The following ZMYM2 variants were observed in gnomAD, a reference collection of about 807,000 sequenced individuals.
ZMYM2 encodes the protein zinc finger MYM-type containing 2, also known as zinc finger MYM-type protein 2.
ZMYM2 carries 56 observed loss-of-function variants against 162.8 expected under a neutral mutation model. The observed-to-expected ratio is 0.34, with a 90% CI of 0.28 to 0.43. The LOEUF is 0.43. ZMYM2 is among the 20% of genes least tolerant of loss of function. The pLI is 1.00. For synonymous variants in ZMYM2, 510 were observed against 541.6 expected, an observed-to-expected ratio of 0.94 and a Z score of 0.81; for missense variants, 1,275 against 1,621.8, an observed-to-expected ratio of 0.79 and a Z score of 3.67.
the ZMYM2 span, among the ~76,000 whole-genome samples, chr13:19,936,309 C>T: frequency 6.6e-6 from 1 of 152,154 alleles, no homozygotes; most frequent in Non-Finnish European, 1.5e-5. Context: ...GGCTTTGCTA[C>T]ATAAACTATT....
rs972314602 is a variant in ZMYM2, at chr13:20,052,383, T to C, written c.2493+72T>C. 5.7e-6 allele frequency: 8 copies of C among 1,410,626 alleles called. No homozygotes were observed. In the African/African-American group the frequency reaches 1.2e-4, roughly 21 times the overall value. The allele number at this position is 1,410,626 out of a possible 1,614,324, so 87.4% of individuals were successfully genotyped here. On this transcript the variant is annotated intron_variant, in intron 14 of 24. Transcript: ENST00000610343. ...GGGGTAAAAAATAATTAGGCCAATT[T>C]AATGTGATCATAATAGTAATTTTTT...
chr13:20,085,748 TA>T (rs1395917717), intron 24 of ZMYM2, 73 bp from the exon 25 acceptor site: 1 of 1,419,880 alleles, frequency 7.0e-7, no homozygotes. Flanking sequence ...GGGTCTGAAT[TA>T]TTCTTGAAAA....
intron 6 of ZMYM2, among the ~76,000 whole-genome samples, chr13:20,010,635 C>CTGTTTGTT (rs150287324): frequency 7.5e-4 from 113 of 150,826 alleles, no homozygotes; most frequent in African/African-American, 2.4e-3. Context: ...TTTTGTTTGT[C>CTGTTTGTT]TGTTTGTTTG....
chr13:19,873,437 C>A, the ZMYM2 span, among the ~76,000 whole-genome samples: 1 of 143,860 alleles, frequency 7.0e-6, no homozygotes, highest in Non-Finnish European at 1.5e-5. Flanking sequence ...GAGGCAGAGT[C>A]TTGCTCTGTC....
At position 20,051,360 on chromosome 13, in the gene ZMYM2, A is replaced by G. The variant is rs567261766; in HGVS notation, c.2293-73A>G. On this transcript the variant is annotated intron_variant, in intron 12 of 24. Transcript: ENST00000610343. The stretch of plus-strand genomic sequence containing the variant: ...AGTCACGGTTTTATCACATTTGGCA[A>G]TAATCACTGATAAACTTCTGGAAAT... The G allele has an allele frequency of 2.0e-4, 302 of 1,525,158 alleles. 5 individuals carry two copies. The South Asian group carries it at 3.3e-3, about 16-fold the overall frequency. The allele number at this position is 1,525,158 out of a possible 1,614,324, so 94.5% of individuals were successfully genotyped here.
chr13:20,083,641 C>T lies in ZMYM2; in HGVS notation c.3821-15C>T, dbSNP rs1470446220. 2.0e-6 allele frequency: 3 copies of T among 1,483,504 alleles called. No homozygotes were observed. Among genetic ancestry groups the T allele is most frequent in the Admixed American group, 4.1e-5 (2 of 48,718 alleles). 91.9% of individuals were successfully genotyped at this position (1,483,504 alleles called of 1,614,324 possible). ...AGATTAGTTTAGGAGGTTTATTTCA[C>T]TTTTATTTTTTAAGATAAAATTACT... On this transcript the variant is annotated splice_polypyrimidine_tract_variant and intron_variant, in intron 23 of 24. Transcript: ENST00000610343.
chr13:19,922,060 C>G, the ZMYM2 span, among the ~76,000 whole-genome samples: 1 of 152,004 alleles, frequency 6.6e-6, no homozygotes, highest in African/African-American at 2.4e-5. Flanking sequence ...ATCACAGGCA[C>G]GCACCACCAC....
At chr13:19,873,310 C>T in the ZMYM2 span, among the ~76,000 whole-genome samples, 2 of 152,234 alleles carry the variant, frequency 1.3e-5, no homozygotes, top group East Asian at 1.9e-4. Flanking sequence ...AATGGCCCCT[C>T]GGCCTTTCCC....
At chr13:19,870,599 T>TTCCTTCCTTCCTTCCTTCCTTC in the ZMYM2 span, among the ~76,000 whole-genome samples, 1 of 131,614 alleles carries the variant, frequency 7.6e-6, no homozygotes, top group African/African-American at 3.1e-5. Flanking sequence ...TTCCTTCCTT[T>TTCCTTCCTTCCTTCCTTCCTTC]CTTTCTTTCT....
intron 2 of ZMYM2, among the ~76,000 whole-genome samples, chr13:19,983,002 C>G (rs560945263): frequency 6.6e-6 from 1 of 152,286 alleles, no homozygotes; most frequent in East Asian, 1.9e-4. Flanking sequence ...GTTCAGTTGA[C>G]TGATTTCTAC....
intron 6 of ZMYM2, among the ~76,000 whole-genome samples, chr13:20,013,495 T>C (rs1371055731): frequency 1.3e-5 from 2 of 152,256 alleles, no homozygotes; most frequent in Non-Finnish European, 1.5e-5. Context: ...GTGGTGAAAG[T>C]GGGCGTCCTT....
the ZMYM2 span, among the ~76,000 whole-genome samples, chr13:19,873,686 C>T: frequency 1.1e-3 from 167 of 152,252 alleles, no homozygotes; most frequent in Non-Finnish European, 1.8e-3. Context: ...GGATTACAGG[C>T]GTGAGCCACC....
chr13:19,972,767 T>C (rs904826384), intron 2 of ZMYM2, among the ~76,000 whole-genome samples: 7 of 152,054 alleles, frequency 4.6e-5, no homozygotes, highest in Non-Finnish European at 1.0e-4. Context: ...CCCTCCGTTA[T>C]TCTTCTATAC....
chr13:20,006,609 T>C lies in ZMYM2; in HGVS notation c.1512+23T>C, dbSNP rs770128672. 3.7e-6 allele frequency: 6 copies of C among 1,608,846 alleles called. 1 individual carries two copies. The South Asian group carries it at 5.5e-5, about 15-fold the overall frequency. On this transcript the variant is annotated intron_variant, in intron 6 of 24. Transcript: ENST00000610343. ...CAGGTAATTCATGTTCTAATCAAAA[T>C]TGGGCATTCTTTAGAATGTTCTTGA... is the stretch of plus-strand genomic sequence containing the variant.
chr13:19,895,464 G>A, the ZMYM2 span, among the ~76,000 whole-genome samples: 1 of 151,704 alleles, frequency 6.6e-6, no homozygotes, highest in South Asian at 2.1e-4. Context: ...GTAGAGGTAG[G>A]GGCATCTCAT....
the ZMYM2 span, among the ~76,000 whole-genome samples, chr13:19,921,656 A>C: frequency 2.6e-5 from 4 of 152,184 alleles, no homozygotes; most frequent in Non-Finnish European, 5.9e-5. Context: ...CAAAATTATA[A>C]ACATATTCTT....
At chr13:19,985,190 C>T (rs906211809) in intron 2 of ZMYM2, among the ~76,000 whole-genome samples, 3 of 152,130 alleles carry the variant, frequency 2.0e-5, no homozygotes, top group Non-Finnish European at 4.4e-5. Context: ...GTGGCATGAT[C>T]TCTGCTTACA....
At chr13:19,971,015 C>G (rs1448449128) in intron 2 of ZMYM2, among the ~76,000 whole-genome samples, 1 of 151,728 alleles carries the variant, frequency 6.6e-6, no homozygotes, top group Non-Finnish European at 1.5e-5. Flanking sequence ...CTTCCACAGC[C>G]TGAAAGAAGG....
At chr13:19,884,827 A>C in the ZMYM2 span, among the ~76,000 whole-genome samples, 1 of 152,092 alleles carries the variant, frequency 6.6e-6, no homozygotes, top group East Asian at 1.9e-4. Context: ...CAAACATTCC[A>C]GCAGTAAAAG....
Sources: allele counts gnomAD v4.1 joint callset (sites outside exome capture counted in the v4.1 genomes callset), GRCh38; gene constraint gnomAD v4.1.1; transcripts MANE v1.5; gene names NCBI Gene and HGNC (gene_info 2026-07-23, HGNC 2026-07-21).